NFS1: variants seen among roughly 807,000 people sequenced by gnomAD.
NFS1 encodes the protein NFS1 cysteine desulfurase, also known as cysteine desulfurase.
A neutral mutation model predicts 57.3 loss-of-function variants in NFS1; 26 were observed. That is an observed-to-expected ratio of 0.45 (90% CI 0.33 to 0.63). The LOEUF is 0.63. Among genes scored for constraint, NFS1 ranks in the 20% least tolerant of loss-of-function variants. The probability of loss-of-function intolerance (pLI) is 0.02; values close to 1 mark genes in which losing one functional copy is unlikely to be tolerated. For missense variants in NFS1, 505 were observed against 605.8 expected (o/e 0.83, Z 1.75); for synonymous variants, 209 against 216.3 (o/e 0.97, Z 0.30).
intron 5 of NFS1, among the ~76,000 whole-genome samples, chr20:35,685,723 T>C (rs1390266645): frequency 6.8e-6 from 1 of 147,974 alleles, no homozygotes; most frequent in African/African-American, 2.5e-5. Context: ...CCAGGTGTGG[T>C]AGCGCATGCC....
chr20:35,698,918 C>T, intron 1 of NFS1: 1 of 1,309,592 alleles, frequency 7.6e-7, no homozygotes, highest in South Asian at 2.3e-5. Flanking sequence ...ACGGTCTGCA[C>T]GGGAGCCCGG....
intron 5 of NFS1, among the ~76,000 whole-genome samples, chr20:35,685,454 G>A (rs539445640): frequency 1.3e-5 from 2 of 151,214 alleles, no homozygotes; most frequent in East Asian, 1.9e-4. Flanking sequence ...CTTAGAAGGC[G>A]GAGACTGCAG....
chr20:35,682,161 A>T (rs2034858452), intron 5 of NFS1, among the ~76,000 whole-genome samples, 180 bp from the exon 6 acceptor site: 1 of 152,216 alleles, frequency 6.6e-6, no homozygotes, highest in South Asian at 2.1e-4. Context: ...TGGTTCATAC[A>T]TTGTTAGTGG....
In NFS1 at chr20:35,669,644, C is replaced by T. The variant is rs189748482; in HGVS notation, c.1352G>A (p.Ser451Asn). ...CTTCTAGTGTTGGGTCCACTTGATG[C>T]TCTTGAGGTCAATGCCATCCTGAAC... ...EMVQDGIDLK[S>N]IKWTQH Residue 451 changes from serine to asparagine, a missense_variant, in exon 13 of 13, where the codon AGC becomes AAC. By Grantham distance (46) the Ser-to-Asn change is conservative. Coordinates refer to ENST00000374092, the MANE Select transcript of NFS1 (RefSeq NM_021100.5). 416 of 1,614,056 alleles carry T rather than the reference C, an allele frequency of 2.6e-4. 2 individuals carry two copies. The East Asian group carries it at 8.2e-3, about 32-fold the overall frequency.
intron 12 of NFS1, among the ~76,000 whole-genome samples, chr20:35,670,183 C>T (rs1473364550): frequency 6.6e-6 from 1 of 152,194 alleles, no homozygotes; most frequent in Non-Finnish European, 1.5e-5. Context: ...TGGAACTTAA[C>T]CCTACATCAT....
chr20:35,686,841 T>C (rs1214010381), intron 5 of NFS1, among the ~76,000 whole-genome samples: 1 of 152,178 alleles, frequency 6.6e-6, no homozygotes, highest in Non-Finnish European at 1.5e-5. Context: ...GATATGATTA[T>C]ATATGAATAT....
intron 11 of NFS1, 62 bp downstream of exon 11, chr20:35,673,539 T>G (rs2034692068): frequency 2.1e-6 from 3 of 1,421,842 alleles, no homozygotes; most frequent in Non-Finnish European, 3.0e-6. Context: ...AAAAAAACTG[T>G]AACAGGAGAT....
At position 35,680,877 on chromosome 20, in the gene NFS1, G is replaced by C. The variant is rs780933692; in HGVS notation, c.656-6C>G. ...TCTGGAACTGCAAATCCGCCCTGAG[G>C]AAACAGAGGGGAAGACCCACAGCAC... is the stretch of plus-strand genomic sequence containing the variant. On this transcript the variant is annotated splice_polypyrimidine_tract_variant and splice_region_variant and intron_variant, in intron 6 of 12. Transcript: ENST00000374092. 8.7e-6 allele frequency: 13 copies of C among 1,496,918 alleles called. 1 individual carries two copies. The South Asian group carries it at 1.7e-4, about 19-fold the overall frequency. The allele number at this position is 1,496,918 out of a possible 1,614,324, so 92.7% of individuals were successfully genotyped here. A position where few individuals can be genotyped will look rare whatever the true frequency, so the allele number is the denominator to read the frequency against.
rs113536251 is a variant in NFS1, at chr20:35,685,925, ATTCT to A, written c.562-3948_562-3945del. Among the ~76,000 whole-genome samples the A allele has an allele frequency of 5.4e-3, 811 of 149,500 alleles. 13 individuals carry two copies. The highest frequency in any genetic ancestry group is 0.018 in the African/African-American group (746 of 40,878). ...TCCATGACCTTGGATTTCAAAATGA[ATTCT>A]TTCTTTATTTTTTTTTTGAGATGGA... On this transcript the variant is annotated intron_variant, in intron 5 of 12. Coordinates refer to ENST00000374092, the MANE Select transcript of NFS1 (RefSeq NM_021100.5).
chr20:35,683,790 CAAAAAAAAA>C (rs151037025), intron 5 of NFS1, among the ~76,000 whole-genome samples: 1 of 53,988 alleles, frequency 1.9e-5, no homozygotes, highest in African/African-American at 6.5e-5. Context: ...GACTCCATCT[CAAAAAAAAA>C]AAAAAAAAAA....
At position 35,675,042 on chromosome 20, in the gene NFS1, T is replaced by C; in HGVS notation, c.948+3A>G. 2 of 1,613,902 alleles carry C rather than the reference T, an allele frequency of 1.2e-6. No individual in the cohort carries two copies. Among genetic ancestry groups the C allele is most frequent in the Non-Finnish European group, 1.7e-6 (2 of 1,179,852 alleles). On this transcript the variant is annotated splice_donor_region_variant and intron_variant, in intron 8 of 12. Transcript: ENST00000374092. Reference sequence around the variant, plus strand: ...TTGTGGGAGGGAACTGCTCTCCCCATACCTCCATCTCTTGCTGTGCCACCT... The same window carrying C: ...TTGTGGGAGGGAACTGCTCTCCCCACACCTCCATCTCTTGCTGTGCCACCT...
chr20:35,668,110 T>TA lies in NFS1; in HGVS notation c.*1511dup, dbSNP rs1246966931. On this transcript the variant is annotated 3_prime_UTR_variant, in exon 13 of 13. Transcript: ENST00000374092. ...ACTGGTAATAGATCTACAACTCTAC[T>TA]ATCTTTGCAACTTTTCAGTAAATCT... The TA allele has an allele frequency of 6.6e-6, 1 of 152,236 alleles. No homozygotes were observed. The highest frequency in any genetic ancestry group is 1.5e-5 in the Non-Finnish European group (1 of 68,024). The allele number at this position is 152,236 out of a possible 1,614,324, so 9.4% of individuals were successfully genotyped here.
At position 35,680,578 on chromosome 20, in the gene NFS1, T is replaced by C. The variant is rs182445990; in HGVS notation, c.790+159A>G. On this transcript the variant is annotated intron_variant, in intron 7 of 12. Transcript: ENST00000374092. ...CTGCTAAGGTCTACAAACAAGCAAGTGTTTCTGGCTATTGCTAAATGACAT... is the reference window on the plus strand; with the variant it reads ...CTGCTAAGGTCTACAAACAAGCAAGCGTTTCTGGCTATTGCTAAATGACAT... 4.1e-3 allele frequency among the ~76,000 whole-genome samples: 630 copies of C among 152,272 alleles called. 2 individuals carry two copies. The highest frequency in any genetic ancestry group is 6.8e-3 in the Middle Eastern group (2 of 294).
intron 5 of NFS1, among the ~76,000 whole-genome samples, chr20:35,685,738 A>T (rs1430867423): frequency 2.8e-5 from 4 of 144,616 alleles, no homozygotes; most frequent in African/African-American, 1.0e-4. Context: ...CATGCCTATA[A>T]TCCCAGCTAC....
chr20:35,685,859 C>A (rs1473967095), intron 5 of NFS1, among the ~76,000 whole-genome samples: 2 of 144,190 alleles, frequency 1.4e-5, no homozygotes, highest in Admixed American at 6.9e-5. Flanking sequence ...ATTCAGTACC[C>A]CCCCGCAAAA....
rs1032147947 is a variant in NFS1, at chr20:35,699,273, C to T, written c.16G>A (p.Ala6Thr). ...ACCGCCACTGCCGCCCGCCTCCAAG[C>T]GGCTCGGAGCAGCATGGTCCCGCTG... is the stretch of plus-strand genomic sequence containing the variant. The part of the protein sequence containing the change: MLLRA[A>T]WRRAAVAVTA... The change falls in exon 1 of 13, where the codon GCT becomes ACT. Residue 6 changes from alanine (A) to threonine (T), a missense_variant. Coordinates refer to ENST00000374092, the MANE Select transcript of NFS1 (RefSeq NM_021100.5). The surrounding 1 kb of genome is among the most constrained non-coding windows in gnomAD (Gnocchi z 4.4). 1.4e-6 allele frequency: 2 copies of T among 1,415,340 alleles called. No individual in the cohort carries two copies. The highest frequency in any genetic ancestry group is 2.9e-5 in the East Asian group (1 of 33,982). The allele number at this position is 1,415,340 out of a possible 1,614,324, so 87.7% of individuals were successfully genotyped here.
intron 4 of NFS1, among the ~76,000 whole-genome samples, chr20:35,692,579 A>G (rs908023696): frequency 6.7e-6 from 1 of 148,776 alleles, no homozygotes; most frequent in Non-Finnish European, 1.5e-5. Context: ...GTGGTGGTAC[A>G]CATCTGTAGT....
At position 35,669,180 on chromosome 20, in the gene NFS1, G is replaced by A. The variant is rs1046427604; in HGVS notation, c.*442C>T. 2.6e-5 allele frequency: 4 copies of A among 155,152 alleles called. No individual in the cohort carries two copies. The highest frequency in any genetic ancestry group is 9.6e-5 in the African/African-American group (4 of 41,524). 9.6% of individuals were successfully genotyped at this position (155,152 alleles called of 1,614,324 possible). A position where few individuals can be genotyped will look rare whatever the true frequency, so the allele number is the denominator to read the frequency against. On this transcript the variant is annotated 3_prime_UTR_variant, in exon 13 of 13. Transcript: ENST00000374092. ...TGAAGAGATAGCCTTTGGAGCTACA[G>A]AAAATATTACATTGAAGTGGATTAT...
chr20:35,673,888 G>A (rs2034697224), intron 10 of NFS1: 1 of 514,126 alleles, frequency 1.9e-6, no homozygotes, highest in Non-Finnish European at 3.5e-6. Context: ...GGCCCCCATG[G>A]TGGATGACTT....
Sources: allele counts gnomAD v4.1 joint callset (sites outside exome capture counted in the v4.1 genomes callset), GRCh38; gene constraint gnomAD v4.1.1; non-coding constraint Gnocchi (gnomAD v3.1); transcripts MANE v1.5; gene names NCBI Gene and HGNC (gene_info 2026-07-23, HGNC 2026-07-21).